MTA3: variants seen among roughly 807,000 people sequenced by gnomAD.
MTA3 encodes metastasis-associated protein MTA3.
A neutral mutation model predicts 83.5 loss-of-function variants in MTA3; 34 were observed. The ratio of observed to expected loss-of-function variants is 0.41; its 90% CI spans 0.31 to 0.54. The LOEUF is 0.54. Ranked by LOEUF, MTA3 falls within the 20% of genes least tolerant of loss-of-function variation. The pLI, the probability that MTA3 is intolerant of heterozygous loss-of-function variation, is 0.33. For synonymous variants in MTA3, 303 were observed against 252.7 expected (o/e 1.20, Z -1.89); for missense variants, 761 against 726.4 (o/e 1.05, Z -0.55).
At chr2:42,627,584 A>G (rs1686234475) in intron 4 of MTA3, among the ~76,000 whole-genome samples, 1 of 151,382 alleles carries the variant, frequency 6.6e-6, no homozygotes, top group African/African-American at 2.4e-5. Flanking sequence ...TTAAATTTGA[A>G]ACGGAGTCTC....
intron 2 of MTA3, among the ~76,000 whole-genome samples, chr2:42,513,527 G>C (rs921906867): frequency 9.2e-5 from 14 of 152,204 alleles, no homozygotes; most frequent in African/African-American, 3.4e-4. Flanking sequence ...CTGGCCAATA[G>C]TGAGGCCACA....
chr2:42,582,612 AC>A (rs1679798209), intron 3 of MTA3, among the ~76,000 whole-genome samples: 1 of 152,048 alleles, frequency 6.6e-6, no homozygotes, highest in African/African-American at 2.4e-5. Context: ...ACTTAGCAAG[AC>A]CCTGACTCTA....
At chr2:42,739,231 C>T (rs916863609) in intron 16 of MTA3, among the ~76,000 whole-genome samples, 1 of 152,136 alleles carries the variant, frequency 6.6e-6, no homozygotes, top group Non-Finnish European at 1.5e-5. Flanking sequence ...CTTTTGTACA[C>T]TGTCCCTTTA....
intron 4 of MTA3, among the ~76,000 whole-genome samples, chr2:42,614,902 A>G (rs757415614): frequency 3.3e-5 from 5 of 151,678 alleles, no homozygotes; most frequent in Non-Finnish European, 7.4e-5. Context: ...GCTTGAGCCC[A>G]GGAGTTCAAG....
intron 8 of MTA3, among the ~76,000 whole-genome samples, chr2:42,682,198 C>G (rs972883521): frequency 2.6e-5 from 4 of 151,868 alleles, no homozygotes; most frequent in East Asian, 1.9e-4. Context: ...TCCCCTCCCC[C>G]CAAATAAGGG....
intron 3 of MTA3, among the ~76,000 whole-genome samples, chr2:42,608,268 A>G (rs1307979573): frequency 6.6e-6 from 1 of 152,172 alleles, no homozygotes; most frequent in Non-Finnish European, 1.5e-5. Context: ...TGTATGTGAT[A>G]TTTTCTAGTG....
At chr2:42,714,017 C>G (rs1464289989) in intron 14 of MTA3, among the ~76,000 whole-genome samples, 1 of 152,178 alleles carries the variant, frequency 6.6e-6, no homozygotes. Context: ...AACTGCAATT[C>G]ACAGTCCCAC....
At chr2:42,685,657 C>G (rs1480524008) in intron 9 of MTA3, among the ~76,000 whole-genome samples, 4 of 152,260 alleles carry the variant, frequency 2.6e-5, no homozygotes, top group African/African-American at 9.6e-5. Flanking sequence ...TGCAGACTGC[C>G]CCTTAGGTCA....
intron 9 of MTA3, among the ~76,000 whole-genome samples, chr2:42,691,665 G>T (rs1456304680): frequency 6.6e-6 from 1 of 151,966 alleles, no homozygotes; most frequent in Non-Finnish European, 1.5e-5. Context: ...ATTTTTTTCT[G>T]ATTAAAGAAC....
chr2:42,553,241 C>T (rs1008166009), intron 2 of MTA3, among the ~76,000 whole-genome samples: 5 of 151,732 alleles, frequency 3.3e-5, no homozygotes, highest in Admixed American at 6.6e-5. Context: ...CTGGCTAACG[C>T]GGTGAAACCC....
At chr2:42,505,023 G>T (rs999315428) in intron 2 of MTA3, among the ~76,000 whole-genome samples, 2 of 152,014 alleles carry the variant, frequency 1.3e-5, no homozygotes, top group Non-Finnish European at 2.9e-5. Flanking sequence ...CCTTCTAGGA[G>T]GCACCATGCA....
intron 8 of MTA3, among the ~76,000 whole-genome samples, chr2:42,671,716 G>A (rs1281529989): frequency 1.3e-5 from 2 of 152,008 alleles, no homozygotes; most frequent in Admixed American, 6.6e-5. Context: ...AGGAAGTGTG[G>A]CTCATCTACC....
intron 2 of MTA3, among the ~76,000 whole-genome samples, chr2:42,520,199 C>G (rs376552701): frequency 6.6e-6 from 1 of 152,120 alleles, no homozygotes; most frequent in African/African-American, 2.4e-5. Context: ...CCTTAATGCT[C>G]TGCTCCAGCC....
intron 11 of MTA3, among the ~76,000 whole-genome samples, chr2:42,700,427 T>G (rs936632214): frequency 2.0e-5 from 3 of 152,212 alleles, no homozygotes; most frequent in Non-Finnish European, 4.4e-5. Flanking sequence ...TATGCAGTCT[T>G]GGCACACTTG....
chr2:42,713,240 C>T (rs1260236789), intron 14 of MTA3, among the ~76,000 whole-genome samples: 1 of 152,044 alleles, frequency 6.6e-6, no homozygotes. Context: ...TTGGGAGGAA[C>T]CTGAAGCTAT....
At chr2:42,506,617 T>G (rs577598186) in intron 2 of MTA3, among the ~76,000 whole-genome samples, 26 of 115,160 alleles carry the variant, frequency 2.3e-4, no homozygotes, top group Non-Finnish European at 4.1e-4. Flanking sequence ...ATAATTTACT[T>G]ATTATTATTA....
intron 9 of MTA3, among the ~76,000 whole-genome samples, chr2:42,694,645 T>TG (rs1432382021): frequency 6.6e-6 from 1 of 152,100 alleles, no homozygotes; most frequent in Non-Finnish European, 1.5e-5. Context: ...GGGAGAGGGG[T>TG]GGCATCAGCG....
intron 9 of MTA3, among the ~76,000 whole-genome samples, chr2:42,685,938 A>G (rs1692328633): frequency 6.6e-6 from 1 of 152,242 alleles, no homozygotes; most frequent in Admixed American, 6.5e-5. Flanking sequence ...TCACAGGTAC[A>G]TGATGTTGTT....
At chr2:42,657,701 G>C (rs1689291320) in intron 7 of MTA3, among the ~76,000 whole-genome samples, 2 of 150,620 alleles carry the variant, frequency 1.3e-5, no homozygotes, top group Middle Eastern at 3.4e-3. Context: ...GCCAAGGCAG[G>C]AGGATTGTTT....
Sources: gnomAD v4.1 joint callset for allele counts (sites outside exome capture counted in the v4.1 genomes callset) on GRCh38, gnomAD v4.1.1 for gene constraint, MANE v1.5 for transcripts, NCBI Gene and HGNC (gene_info 2026-07-23, HGNC 2026-07-21) for gene names.